Variants in AIG1 observed in about 807,000 individuals in gnomAD.
AIG1 encodes androgen-induced gene 1 protein.
Under a neutral mutation model 31.4 loss-of-function variants are expected in AIG1, and 23 were observed. The observed-to-expected ratio is 0.73, with a 90% CI of 0.53 to 1.04. AIG1 has a LOEUF of 1.04. AIG1 is among the 50% of genes least tolerant of loss of function. AIG1 has a pLI of 0.00. For missense variants in AIG1, 274 were observed against 295.0 expected (o/e 0.93, Z 0.52); for synonymous variants, 100 against 110.5 (o/e 0.90, Z 0.60).
intron 2 of AIG1, among the ~76,000 whole-genome samples, chr6:143,150,303 G>A (rs996397137): frequency 1.3e-5 from 2 of 152,162 alleles, no homozygotes; most frequent in Non-Finnish European, 2.9e-5. Context: ...GAAAGGCAGA[G>A]CAACTTTCTT....
intron 4 of AIG1, among the ~76,000 whole-genome samples, chr6:143,296,394 G>A (rs932533654): frequency 6.6e-6 from 1 of 152,106 alleles, no homozygotes; most frequent in African/African-American, 2.4e-5. Flanking sequence ...TCCCCGAGGG[G>A]TGCCTTCTTG....
At chr6:143,091,461 A>T (rs922411041) in intron 1 of AIG1, among the ~76,000 whole-genome samples, 1 of 152,244 alleles carries the variant, frequency 6.6e-6, no homozygotes, top group African/African-American at 2.4e-5. Context: ...CACCAGAGAA[A>T]TCTTTTAATA....
intron 1 of AIG1, among the ~76,000 whole-genome samples, chr6:143,062,317 A>G (rs1046645484): frequency 1.2e-4 from 18 of 152,178 alleles, no homozygotes; most frequent in Non-Finnish European, 2.4e-4. Context: ...GAATGTTGCA[A>G]GGGTTTTAAT....
rs1776949539 is a variant in AIG1 at position 143,330,055 on chromosome 6, A to G, written c.516-3227A>G. Among the ~76,000 whole-genome samples, 1 of 152,202 alleles carries G rather than the reference A, an allele frequency of 6.6e-6. No individual in the cohort carries two copies. The highest frequency in any genetic ancestry group is 2.4e-5 in the African/African-American group (1 of 41,446). On this transcript the variant is annotated intron_variant, in intron 4 of 5. Coordinates refer to ENST00000357847, the MANE Select transcript of AIG1 (RefSeq NM_016108.4). The surrounding 1 kb of genome is among the most constrained non-coding windows in gnomAD (Gnocchi z 4.4). ...ATAAGTTATTGGCGAAGTGCCTGCC[A>G]TATAGTAATGGCTCAATAAACAGAT...
chr6:143,190,178 C>T (rs938507383), intron 3 of AIG1: 1 of 984,926 alleles, frequency 1.0e-6, no homozygotes, highest in Admixed American at 6.2e-5. Context: ...AAACATTCAG[C>T]CCATAGCAGG....
intron 1 of AIG1, 51 bp downstream of exon 1, chr6:143,061,117 C>T (rs878893687): frequency 0.017 from 24,072 of 1,407,194 alleles, 65 homozygotes; most frequent in Non-Finnish European, 0.019. Context: ...CCTGTGTGTG[C>T]GTGTGTGTGT....
rs1290902001 is a variant in AIG1 at position 143,291,549 on chromosome 6, C to T, written c.515+7324C>T. Among the ~76,000 whole-genome samples the T allele has an allele frequency of 6.6e-6, 1 of 152,206 alleles. No homozygotes were observed. The highest frequency in any genetic ancestry group is 1.5e-5 in the Non-Finnish European group (1 of 68,036). Reference sequence around the variant, plus strand: ...GTGGGAAGCAGGGATTTGCCAATGACAGGGAAAGCCCCTTGCATAAGCACA... The same window carrying T: ...GTGGGAAGCAGGGATTTGCCAATGATAGGGAAAGCCCCTTGCATAAGCACA... On this transcript the variant is annotated intron_variant, in intron 4 of 5. Coordinates refer to ENST00000357847, the MANE Select transcript of AIG1 (RefSeq NM_016108.4). This position sits in a 1 kb window ranked among gnomAD's most constrained non-coding sequence, Gnocchi z 4.2.
intron 2 of AIG1, among the ~76,000 whole-genome samples, chr6:143,141,564 G>A (rs1318765469): frequency 6.6e-6 from 1 of 152,184 alleles, no homozygotes; most frequent in African/African-American, 2.4e-5. Flanking sequence ...ATCCTGATTT[G>A]TGTAGATTCC....
At chr6:143,144,720 AT>A (rs1287765064) in intron 2 of AIG1, among the ~76,000 whole-genome samples, 1 of 152,230 alleles carries the variant, frequency 6.6e-6, no homozygotes, top group Non-Finnish European at 1.5e-5. Flanking sequence ...GCCTCTCATT[AT>A]TCTCTGTTCC....
chr6:143,196,843 AG>A (rs1344692124), intron 3 of AIG1, among the ~76,000 whole-genome samples: 8 of 152,344 alleles, frequency 5.3e-5, no homozygotes, highest in South Asian at 2.1e-4. Flanking sequence ...AATAAAAAAA[AG>A]AAAAAAAAAC....
chr6:143,120,610 C>T (rs1782159233), intron 1 of AIG1, among the ~76,000 whole-genome samples: 1 of 152,162 alleles, frequency 6.6e-6, no homozygotes, highest in Admixed American at 6.5e-5. Flanking sequence ...CTCCATGATT[C>T]AATTACGTTC....
intron 3 of AIG1, among the ~76,000 whole-genome samples, chr6:143,183,597 G>A (rs1044486525): frequency 2.0e-5 from 3 of 152,164 alleles, no homozygotes; most frequent in Non-Finnish European, 2.9e-5. Flanking sequence ...TATTTGGCTT[G>A]TACTCTGCCC....
At chr6:143,324,474 A>C (rs1027947656) in intron 4 of AIG1, among the ~76,000 whole-genome samples, 1 of 152,224 alleles carries the variant, frequency 6.6e-6, no homozygotes, top group African/African-American at 2.4e-5. Context: ...ACATTAAAAG[A>C]AAAGCTTTCC....
At chr6:143,200,933 C>A (rs1186332661) in intron 3 of AIG1, among the ~76,000 whole-genome samples, 3 of 151,614 alleles carry the variant, frequency 2.0e-5, no homozygotes, top group African/African-American at 7.3e-5. Flanking sequence ...CCGAGTATCT[C>A]GTGGATTTCC....
At chr6:143,212,459 G>A (rs1791665633) in intron 3 of AIG1, among the ~76,000 whole-genome samples, 2 of 152,144 alleles carry the variant, frequency 1.3e-5, no homozygotes, top group Non-Finnish European at 2.9e-5. Flanking sequence ...ATCACCTGTG[G>A]TAGTACAAGA....
At chr6:143,092,003 T>TAA (rs766044133) in intron 1 of AIG1, among the ~76,000 whole-genome samples, 1 of 151,122 alleles carries the variant, frequency 6.6e-6, no homozygotes, top group Non-Finnish European at 1.5e-5. Flanking sequence ...ATATTTTACC[T>TAA]AAAAAAAAAT....
In AIG1 at chr6:143,327,092, T is replaced by C. The variant is rs1411233497; in HGVS notation, c.516-6190T>C. On this transcript the variant is annotated intron_variant, in intron 4 of 5. Coordinates refer to ENST00000357847, the MANE Select transcript of AIG1 (RefSeq NM_016108.4). The surrounding 1 kb of genome is among the most constrained non-coding windows in gnomAD (Gnocchi z 5.3). Reference sequence around the variant, plus strand: ...ACATGGAAGGAGGAAAAAATAGATGTAGAGACAAATTAGAAACTATCACAG... The same window carrying C: ...ACATGGAAGGAGGAAAAAATAGATGCAGAGACAAATTAGAAACTATCACAG... Among the ~76,000 whole-genome samples, 2 of 152,156 alleles carry C rather than the reference T, an allele frequency of 1.3e-5. No individual in the cohort carries two copies. The highest frequency in any genetic ancestry group is 4.8e-5 in the African/African-American group (2 of 41,434).
chr6:143,276,290 A>C (rs945038145), intron 3 of AIG1, among the ~76,000 whole-genome samples: 2 of 152,174 alleles, frequency 1.3e-5, no homozygotes, highest in Non-Finnish European at 2.9e-5. Flanking sequence ...GTTGGGGCTA[A>C]TGTTAGAAGT....
At chr6:143,170,605 A>C (rs549230487) in intron 3 of AIG1, among the ~76,000 whole-genome samples, 38 of 142,194 alleles carry the variant, frequency 2.7e-4, no homozygotes, top group Non-Finnish European at 4.5e-4. Flanking sequence ...TTTTTTGTTG[A>C]TCTTTTGAAA....
Sources: gnomAD v4.1 joint callset for allele counts (sites outside exome capture counted in the v4.1 genomes callset) on GRCh38, gnomAD v4.1.1 for gene constraint, Gnocchi (gnomAD v3.1) non-coding constraint, MANE v1.5 for transcripts, NCBI Gene and HGNC (gene_info 2026-07-23, HGNC 2026-07-21) for gene names.